PLEKHG1: variants seen among roughly 807,000 people sequenced by gnomAD.
The protein encoded by PLEKHG1 is pleckstrin homology and RhoGEF domain containing G1.
Under a neutral mutation model 100.8 loss-of-function variants are expected in PLEKHG1, and 44 were observed. That is an observed-to-expected ratio of 0.44 (90% CI 0.34 to 0.56). PLEKHG1 has a LOEUF of 0.56. PLEKHG1 is among the 20% of genes least tolerant of loss of function. The pLI is 0.01. For missense variants in PLEKHG1, 1,545 were observed against 1,720.9 expected, an observed-to-expected ratio of 0.90 and a Z score of 1.81; for synonymous variants, 640 against 662.5, an observed-to-expected ratio of 0.97 and a Z score of 0.52.
intron 2 of PLEKHG1, among the ~76,000 whole-genome samples, chr6:150,644,334 G>GGTTTT (rs1554255840): frequency 8.5e-6 from 1 of 117,622 alleles, no homozygotes; most frequent in South Asian, 2.9e-4. Flanking sequence ...TTCTTTTCGT[G>GGTTTT]TTTTTTTTTT....
At chr6:150,632,396 C>T (rs960110253) in intron 1 of PLEKHG1, among the ~76,000 whole-genome samples, 2 of 152,224 alleles carry the variant, frequency 1.3e-5, no homozygotes, top group Admixed American at 6.5e-5. Context: ...CTTTTATCAT[C>T]GGCCTTGGCC....
At chr6:150,739,945 G>A (rs1260143277) in intron 2 of PLEKHG1, among the ~76,000 whole-genome samples, 2 of 152,192 alleles carry the variant, frequency 1.3e-5, no homozygotes, top group Non-Finnish European at 2.9e-5. Context: ...CACATTGAAA[G>A]CTATTCTCCC....
At chr6:150,661,819 C>A (rs1354009004) in intron 3 of PLEKHG1, among the ~76,000 whole-genome samples, 1 of 152,146 alleles carries the variant, frequency 6.6e-6, no homozygotes. Context: ...AGAGCAATAA[C>A]AGAAGCACCT....
At chr6:150,721,188 G>C in exon 1 of PLEKHG1, 1 of 984,904 alleles carries the variant, frequency 1.0e-6, no homozygotes, top group Non-Finnish European at 1.2e-6. Context: ...GCTTAAGCCT[G>C]AGTGGAGCAG....
In PLEKHG1 at chr6:150,804,155, T is replaced by TCTA; in HGVS notation, c.781-455_781-454insCTA. On this transcript the variant is annotated intron_variant, in intron 6 of 15. Transcript: ENST00000358517. ...AGAATGATGCTGGTGTGTAAATATTTTATATATATATATATATATATTTTT... is the reference window on the plus strand; with the variant it reads ...AGAATGATGCTGGTGTGTAAATATTTCTATATATATATATATATATATATTTTT... Among the ~76,000 whole-genome samples the TCTA allele has an allele frequency of 8.5e-3, 258 of 30,272 alleles. 12 individuals are homozygous for TCTA. The highest frequency in any genetic ancestry group is 0.032 in the African/African-American group (227 of 7,036). 19.9% of individuals were successfully genotyped at this position (30,272 alleles called of 152,430 possible).
chr6:150,694,528 C>T (rs537550927), intron 3 of PLEKHG1, among the ~76,000 whole-genome samples: 1 of 151,600 alleles, frequency 6.6e-6, no homozygotes, highest in African/African-American at 2.4e-5. Flanking sequence ...GGTGAAACCC[C>T]GTCTCTACTA....
At chr6:150,672,715 G>A (rs1401432087) in intron 3 of PLEKHG1, among the ~76,000 whole-genome samples, 5 of 152,204 alleles carry the variant, frequency 3.3e-5, no homozygotes, top group Non-Finnish European at 7.3e-5. Flanking sequence ...ACAGGAAGAT[G>A]AGAGTCCTCA....
intron 3 of PLEKHG1, among the ~76,000 whole-genome samples, chr6:150,695,399 G>A (rs1780504112): frequency 6.6e-6 from 1 of 152,186 alleles, no homozygotes; most frequent in Non-Finnish European, 1.5e-5. Context: ...AAAATATTAG[G>A]AATTCACTAG....
chr6:150,820,114 C>A (rs548571061), intron 12 of PLEKHG1, among the ~76,000 whole-genome samples: 1 of 151,966 alleles, frequency 6.6e-6, no homozygotes, highest in African/African-American at 2.4e-5. Flanking sequence ...GAGGCTGAGG[C>A]AGGAGAATCG....
intron 3 of PLEKHG1, among the ~76,000 whole-genome samples, chr6:150,681,713 G>A (rs1239380914): frequency 6.6e-6 from 1 of 152,086 alleles, no homozygotes; most frequent in Non-Finnish European, 1.5e-5. Context: ...GCAGCCAGGA[G>A]CAGAGTCCCG....
chr6:150,654,752 T>C (rs1028608803), intron 3 of PLEKHG1, among the ~76,000 whole-genome samples: 1 of 152,268 alleles, frequency 6.6e-6, no homozygotes, highest in Non-Finnish European at 1.5e-5. Flanking sequence ...GATGGATTTA[T>C]TGTAAGGCAG....
intron 1 of PLEKHG1, among the ~76,000 whole-genome samples, chr6:150,608,297 T>C (rs1440779412): frequency 6.6e-6 from 1 of 152,220 alleles, no homozygotes; most frequent in Non-Finnish European, 1.5e-5. Flanking sequence ...TGATGAGTTC[T>C]ATCACAGCAA....
chr6:150,693,397 A>G (rs1780420833), intron 3 of PLEKHG1, among the ~76,000 whole-genome samples: 1 of 152,096 alleles, frequency 6.6e-6, no homozygotes, highest in African/African-American at 2.4e-5. Flanking sequence ...GATCATTCTA[A>G]CTCTGGGACT....
intron 15 of PLEKHG1, among the ~76,000 whole-genome samples, chr6:150,837,294 C>A (rs1381489254): frequency 6.6e-6 from 1 of 152,122 alleles, no homozygotes; most frequent in African/African-American, 2.4e-5. Flanking sequence ...TGTAAGACTT[C>A]AGAGAAGAGA....
intron 1 of PLEKHG1, among the ~76,000 whole-genome samples, chr6:150,630,879 G>A (rs1777720037): frequency 6.6e-6 from 1 of 152,156 alleles, no homozygotes; most frequent in Non-Finnish European, 1.5e-5. Flanking sequence ...GGAAAGCCAG[G>A]AGCCCATGGC....
At chr6:150,693,241 T>A (rs1307218546) in intron 3 of PLEKHG1, among the ~76,000 whole-genome samples, 1 of 152,060 alleles carries the variant, frequency 6.6e-6, no homozygotes. Context: ...TGAGCCAAGA[T>A]CACGCCACTG....
intron 14 of PLEKHG1, chr6:150,827,531 C>A (rs1469375513): frequency 3.5e-6 from 2 of 563,684 alleles, no homozygotes; most frequent in African/African-American, 3.8e-5. Flanking sequence ...CCGCCTCTGC[C>A]TTCCAAAGTG....
exon 16 of PLEKHG1, chr6:150,839,910 G>A: frequency 6.2e-7 from 1 of 1,614,002 alleles, no homozygotes; most frequent in Non-Finnish European, 8.5e-7. Context: ...TCAGAAGGAT[G>A]GCTGGGCCAG....
chr6:150,799,990 C>T (rs1385860356), intron 5 of PLEKHG1, among the ~76,000 whole-genome samples: 2 of 152,190 alleles, frequency 1.3e-5, no homozygotes, highest in African/African-American at 4.8e-5. Flanking sequence ...TGCTCATCAC[C>T]TCGGGGGGAT....
Sources: gnomAD v4.1 joint callset for allele counts (sites outside exome capture counted in the v4.1 genomes callset) on GRCh38, gnomAD v4.1.1 for gene constraint, MANE v1.5 for transcripts, NCBI Gene and HGNC (gene_info 2026-07-23, HGNC 2026-07-21) for gene names.